The following TUBGCP3 variants were observed in gnomAD, a reference collection of about 807,000 sequenced individuals.
The protein encoded by TUBGCP3 is gamma-tubulin complex component 3.
In TUBGCP3, 50 loss-of-function variants were observed where a neutral mutation model predicts 123.1. The ratio of observed to expected loss-of-function variants is 0.41; its 90% CI spans 0.32 to 0.51. TUBGCP3 has a LOEUF of 0.51. Ranked by LOEUF, TUBGCP3 falls within the 20% of genes least tolerant of loss-of-function variation. TUBGCP3 has a pLI of 0.36. For missense variants in TUBGCP3, 882 were observed against 1,127.0 expected, an observed-to-expected ratio of 0.78 and a Z score of 3.11; for synonymous variants, 405 against 413.9, an observed-to-expected ratio of 0.98 and a Z score of 0.26.
At chr13:112,572,429 C>A (rs1389311272) in intron 1 of TUBGCP3, among the ~76,000 whole-genome samples, 3 of 152,082 alleles carry the variant, frequency 2.0e-5, no homozygotes, top group African/African-American at 4.8e-5. Flanking sequence ...ACCCCCCACC[C>A]TCCAACAGGC....
chr13:112,564,810 G>T (rs1390521239), intron 3 of TUBGCP3, among the ~76,000 whole-genome samples: 1 of 152,148 alleles, frequency 6.6e-6, no homozygotes, highest in Non-Finnish European at 1.5e-5. Context: ...ATGAAGATAA[G>T]ACTTCTACCA....
chr13:112,589,170 G>C (rs892788164), upstream of TUBGCP3, among the ~76,000 whole-genome samples: 1 of 152,164 alleles, frequency 6.6e-6, no homozygotes, highest in African/African-American at 2.4e-5. Flanking sequence ...TTCTAAACTT[G>C]CATCACACTC....
chr13:112,531,534 C>A (rs190114590), intron 11 of TUBGCP3, among the ~76,000 whole-genome samples: 1 of 152,282 alleles, frequency 6.6e-6, no homozygotes, highest in Non-Finnish European at 1.5e-5. Flanking sequence ...AATTGTATGT[C>A]TGTTATTCAG....
At chr13:112,525,675 A>G (rs1262759632) in intron 13 of TUBGCP3, among the ~76,000 whole-genome samples, 2 of 152,246 alleles carry the variant, frequency 1.3e-5, no homozygotes, top group Non-Finnish European at 2.9e-5. Context: ...GAACGAGGGA[A>G]AGCCTCAGCA....
At position 112,556,837 on chromosome 13, in the gene TUBGCP3, T is replaced by C. The variant is rs1365699193; in HGVS notation, c.549-613A>G. Among the ~76,000 whole-genome samples the C allele has an allele frequency of 1.3e-5, 2 of 152,364 alleles. 1 individual carries two copies. The highest frequency in any genetic ancestry group is 3.9e-4 in the East Asian group (2 of 5,188). On this transcript the variant is annotated intron_variant, in intron 5 of 21. Transcript: ENST00000261965. ...TTGAGACTATGTCAAAGTTGTTTTT[T>C]GAAAAATGTAAGAACCTCATAGCTG... is the stretch of plus-strand genomic sequence containing the variant.
chr13:112,547,886 T>TA, intron 9 of TUBGCP3, 134 bp from the exon 10 acceptor site: 1 of 1,151,326 alleles, frequency 8.7e-7, no homozygotes, highest in Non-Finnish European at 1.1e-6. Flanking sequence ...TAAAAAAAAA[T>TA]AGTATTTTAA....
intron 17 of TUBGCP3, among the ~76,000 whole-genome samples, chr13:112,514,051 T>C (rs1383234784): frequency 6.6e-6 from 1 of 152,162 alleles, no homozygotes; most frequent in Non-Finnish European, 1.5e-5. Context: ...AGTTATCAGG[T>C]CAACAGATCA....
Position 112,556,240 on chromosome 13 carries a change from T to G in TUBGCP3, c.549-16A>C. On this transcript the variant is annotated splice_polypyrimidine_tract_variant and intron_variant, in intron 5 of 21. Transcript: ENST00000261965. ...ATTAGACTGTCTAAAAAAAGAAACA[T>G]GTATTATCTTCTAATAGGCTATTCG... is the stretch of plus-strand genomic sequence containing the variant. 1 of 1,608,208 alleles carries G rather than the reference T, an allele frequency of 6.2e-7. No individual in the cohort carries two copies. The highest frequency in any genetic ancestry group is 8.5e-7 in the Non-Finnish European group (1 of 1,175,136).
intron 11 of TUBGCP3, among the ~76,000 whole-genome samples, chr13:112,542,621 A>C (rs977240226): frequency 6.6e-6 from 1 of 152,176 alleles, no homozygotes; most frequent in Admixed American, 6.5e-5. Flanking sequence ...TATAGATGGC[A>C]TGTATATGTA....
chr13:112,567,678 G>A (rs1881057423), intron 2 of TUBGCP3, among the ~76,000 whole-genome samples: 1 of 152,144 alleles, frequency 6.6e-6, no homozygotes, highest in African/African-American at 2.4e-5. Flanking sequence ...GACTCCCACT[G>A]CTCGTCCAGC....
chr13:112,504,485 CA>C (rs34264269), intron 18 of TUBGCP3, 140 bp downstream of exon 18: 238,305 of 359,030 alleles, frequency 0.66, 60,791 homozygotes, highest in African/African-American at 0.85. Flanking sequence ...GACTCCATCT[CA>C]AAAAAAAAAA....
intron 1 of TUBGCP3, 97 bp from the exon 2 acceptor site, chr13:112,569,356 C>G: frequency 9.8e-7 from 1 of 1,015,468 alleles, no homozygotes; most frequent in Non-Finnish European, 1.5e-6. Flanking sequence ...GTAATAACAT[C>G]TATCTTCCAC....
At chr13:112,507,926 C>T (rs1485578302) in intron 17 of TUBGCP3, among the ~76,000 whole-genome samples, 6 of 152,132 alleles carry the variant, frequency 3.9e-5, no homozygotes, top group African/African-American at 1.4e-4. Flanking sequence ...GTTCTAGATT[C>T]TTTAATGTCA....
chr13:112,487,217 T>G (rs1008270835), intron 21 of TUBGCP3, among the ~76,000 whole-genome samples: 3 of 152,196 alleles, frequency 2.0e-5, no homozygotes, highest in Non-Finnish European at 2.9e-5. Flanking sequence ...TACAACGGTC[T>G]GTGGAACTAC....
At chr13:112,552,430 G>C (rs1879662707) in intron 8 of TUBGCP3, among the ~76,000 whole-genome samples, 1 of 152,216 alleles carries the variant, frequency 6.6e-6, no homozygotes, top group Admixed American at 6.5e-5. Flanking sequence ...CCTCGAGAAA[G>C]AGCCAGCTCA....
intron 1 of TUBGCP3, among the ~76,000 whole-genome samples, chr13:112,575,239 T>C (rs1168472515): frequency 1.3e-5 from 2 of 152,188 alleles, no homozygotes; most frequent in Non-Finnish European, 2.9e-5. Context: ...TGATGAAAGA[T>C]ATCCTTAAAA....
intron 19 of TUBGCP3, among the ~76,000 whole-genome samples, chr13:112,502,542 CTTTTTTTT>C (rs10710530): frequency 1.7e-5 from 2 of 114,374 alleles, no homozygotes; most frequent in East Asian, 5.1e-4. Flanking sequence ...TACATTTCTT[CTTTTTTTT>C]TTTTTTTTTT....
At position 112,519,380 on chromosome 13, in the gene TUBGCP3, G is replaced by A. The variant is rs540466377; in HGVS notation, c.1882-337C>T. ...CAAGATGACTCTTGCAATATTTTAA[G>A]AAAACCAACCGTTCTGCTAATGATC... On this transcript the variant is annotated intron_variant, in intron 15 of 21. Coordinates refer to ENST00000261965, the MANE Select transcript of TUBGCP3 (RefSeq NM_006322.6). This position sits in a 1 kb window ranked among gnomAD's most constrained non-coding sequence, Gnocchi z 6.2. 6.6e-6 allele frequency among the ~76,000 whole-genome samples: 1 copy of A among 152,282 alleles called. No individual in the cohort carries two copies. Among genetic ancestry groups the A allele is most frequent in the South Asian group, 2.1e-4 (1 of 4,826 alleles).
chr13:112,595,190 T>A, the TUBGCP3 span, among the ~76,000 whole-genome samples: 2 of 150,988 alleles, frequency 1.3e-5, no homozygotes, highest in Admixed American at 1.3e-4. Flanking sequence ...TTGAGCTCTA[T>A]CAATTAATAC....
Sources: allele counts gnomAD v4.1 joint callset (sites outside exome capture counted in the v4.1 genomes callset), GRCh38; gene constraint gnomAD v4.1.1; non-coding constraint Gnocchi (gnomAD v3.1); transcripts MANE v1.5; gene names NCBI Gene and HGNC (gene_info 2026-07-23, HGNC 2026-07-21).